Variants in MTUS2 observed in about 807,000 individuals in gnomAD.
MTUS2 encodes the protein microtubule associated scaffold protein 2.
MTUS2 carries 40 observed loss-of-function variants against 114.1 expected under a neutral mutation model. The observed-to-expected ratio is 0.35, with a 90% CI of 0.27 to 0.46. The LOEUF is 0.46. Ranked by LOEUF, MTUS2 falls within the 20% of genes least tolerant of loss-of-function variation. The pLI is 1.00. For missense variants in MTUS2, 1,679 were observed against 1,705.4 expected (o/e 0.98, Z 0.27); for synonymous variants, 688 against 672.0 (o/e 1.02, Z -0.37).
intron 9 of MTUS2, among the ~76,000 whole-genome samples, chr13:29,469,922 A>G (rs1001279124): frequency 6.6e-6 from 1 of 152,146 alleles, no homozygotes; most frequent in Non-Finnish European, 1.5e-5. Flanking sequence ...AGGCCTCTGT[A>G]GTCATCCAGT....
At chr13:29,158,358 C>CCCCCCCCCCTTTCTTTT in intron 5 of MTUS2, among the ~76,000 whole-genome samples, 1 of 32,050 alleles carries the variant, frequency 3.1e-5, no homozygotes, top group Admixed American at 4.2e-4. Flanking sequence ...GTCCACCCCG[C>CCCCCCCCCCTTTCTTTT]TTTTTTTTTT....
intron 2 of MTUS2, among the ~76,000 whole-genome samples, chr13:28,918,630 G>A (rs1880877142): frequency 6.6e-6 from 1 of 151,852 alleles, no homozygotes; most frequent in South Asian, 2.1e-4. Context: ...CATCCATTCA[G>A]CCACTCTGTC....
intron 8 of MTUS2, among the ~76,000 whole-genome samples, chr13:29,403,546 G>A (rs187064732): frequency 6.6e-6 from 1 of 152,292 alleles, no homozygotes; most frequent in East Asian, 1.9e-4. Flanking sequence ...AAAGCTGATT[G>A]CCCTCCCAAA....
chr13:28,906,060 C>A (rs1250528832), intron 2 of MTUS2, among the ~76,000 whole-genome samples: 1 of 151,466 alleles, frequency 6.6e-6, no homozygotes, highest in Non-Finnish European at 1.5e-5. Context: ...TTGTAGTATT[C>A]TCTGATGGTA....
At chr13:29,251,138 G>T (rs2139430424) in intron 5 of MTUS2, among the ~76,000 whole-genome samples, 1 of 152,252 alleles carries the variant, frequency 6.6e-6, no homozygotes, top group Non-Finnish European at 1.5e-5. Context: ...GAAGATTGCT[G>T]AGTGAATACG....
At chr13:29,138,604 G>A (rs1375330317) in intron 5 of MTUS2, among the ~76,000 whole-genome samples, 2 of 151,218 alleles carry the variant, frequency 1.3e-5, no homozygotes, top group Admixed American at 6.6e-5. Flanking sequence ...ACTAATGAGT[G>A]CAGGGTTTCT....
chr13:29,318,169 C>T (rs1027594026), intron 6 of MTUS2, among the ~76,000 whole-genome samples: 9 of 151,146 alleles, frequency 6.0e-5, no homozygotes, highest in Admixed American at 3.3e-4. Context: ...CTTTCTGTTT[C>T]TTATCTTTTC....
chr13:28,902,035 G>A (rs186659691), intron 2 of MTUS2, among the ~76,000 whole-genome samples: 15 of 152,186 alleles, frequency 9.9e-5, no homozygotes, highest in African/African-American at 3.1e-4. Context: ...TTTTCAGCTT[G>A]AAGTTTCCGT....
intron 7 of MTUS2, among the ~76,000 whole-genome samples, chr13:29,337,738 A>G (rs1285028579): frequency 1.3e-5 from 2 of 150,258 alleles, no homozygotes; most frequent in Admixed American, 6.6e-5. Flanking sequence ...AGTAGCTAGG[A>G]CTACAGGTGC....
chr13:29,273,187 C>G (rs1897941709), intron 5 of MTUS2, among the ~76,000 whole-genome samples: 1 of 152,180 alleles, frequency 6.6e-6, no homozygotes, highest in South Asian at 2.1e-4. Context: ...CAGACTTACA[C>G]CTGATTCTGC....
chr13:28,984,499 G>A (rs1347528272), intron 2 of MTUS2, among the ~76,000 whole-genome samples: 2 of 152,096 alleles, frequency 1.3e-5, no homozygotes, highest in Non-Finnish European at 2.9e-5. Context: ...TAGAATTAAC[G>A]GCTTCCAGTG....
intron 5 of MTUS2, among the ~76,000 whole-genome samples, chr13:29,208,297 C>T (rs559167778): frequency 2.6e-5 from 4 of 151,946 alleles, no homozygotes; most frequent in South Asian, 2.1e-4. Context: ...TGTTTCTAAT[C>T]GAGTTTATTT....
At chr13:29,485,988 G>A (rs1881589385) in intron 10 of MTUS2, among the ~76,000 whole-genome samples, 1 of 152,218 alleles carries the variant, frequency 6.6e-6, no homozygotes, top group African/African-American at 2.4e-5. Context: ...AGTGACACCT[G>A]TAATGGAGCA....
intron 2 of MTUS2, among the ~76,000 whole-genome samples, chr13:28,970,783 G>T (rs150168922): frequency 6.6e-6 from 1 of 152,122 alleles, no homozygotes; most frequent in African/African-American, 2.4e-5. Flanking sequence ...CCTATACAGT[G>T]TTCCTGTCAT....
intron 7 of MTUS2, among the ~76,000 whole-genome samples, chr13:29,325,789 C>T (rs1423155143): frequency 6.6e-6 from 1 of 152,150 alleles, no homozygotes; most frequent in Non-Finnish European, 1.5e-5. Flanking sequence ...CTCTGTGAGA[C>T]AGGTTGTATT....
chr13:28,906,520 G>A (rs1343666154), intron 2 of MTUS2, among the ~76,000 whole-genome samples: 3 of 151,556 alleles, frequency 2.0e-5, no homozygotes, highest in African/African-American at 4.9e-5. Context: ...GTACCCAGTA[G>A]TCATTCAGGA....
At chr13:29,228,766 A>G (rs1422321117) in intron 5 of MTUS2, among the ~76,000 whole-genome samples, 3 of 152,172 alleles carry the variant, frequency 2.0e-5, no homozygotes, top group Non-Finnish European at 4.4e-5. Context: ...GGAAGAAAAC[A>G]TCCCTTTTAT....
At chr13:28,996,678 A>G (rs533408037) in intron 2 of MTUS2, among the ~76,000 whole-genome samples, 2 of 152,172 alleles carry the variant, frequency 1.3e-5, no homozygotes, top group East Asian at 3.9e-4. Context: ...TTTCTAGTTT[A>G]TTTGCATAGA....
Position 28,858,049 on chromosome 13 carries a change from G to T in MTUS2, c.-243+18199G>T, listed in dbSNP as rs1876745211. On this transcript the variant is annotated intron_variant, in intron 2 of 15. Transcript: ENST00000612955. ...AGCAGTGTGGTGCTCTGGATATAAA[G>T]TAGAGGGATTTGACCTAATTGAAAA... 2.0e-5 allele frequency among the ~76,000 whole-genome samples: 3 copies of T among 152,210 alleles called. 1 individual carries two copies. Among genetic ancestry groups the T allele is most frequent in the Admixed American group, 1.3e-4 (2 of 15,284 alleles).
Sources: gnomAD v4.1 joint callset for allele counts (sites outside exome capture counted in the v4.1 genomes callset) on GRCh38, gnomAD v4.1.1 for gene constraint, MANE v1.5 for transcripts, NCBI Gene and HGNC (gene_info 2026-07-23, HGNC 2026-07-21) for gene names.